ALDH1L1: variants seen among roughly 807,000 people sequenced by gnomAD.
ALDH1L1 encodes the protein cytosolic 10-formyltetrahydrofolate dehydrogenase.
A neutral mutation model predicts 101.1 loss-of-function variants in ALDH1L1; 68 were observed. That is an observed-to-expected ratio of 0.67 (90% confidence interval 0.55 to 0.82). The LOEUF (loss-of-function observed/expected upper bound fraction) is 0.82. ALDH1L1 is among the 40% of genes least tolerant of loss of function. ALDH1L1 has a pLI of 0.00. For synonymous variants in ALDH1L1, 486 were observed against 470.8 expected, an observed-to-expected ratio of 1.03 and a Z score of -0.42; for missense variants, 1,087 against 1,172.7, an observed-to-expected ratio of 0.93 and a Z score of 1.07.
chr3:126,191,886 T>A (rs1271842949), intron 1 of ALDH1L1, among the ~76,000 whole-genome samples: 8 of 152,088 alleles, frequency 5.3e-5, no homozygotes, highest in African/African-American at 1.9e-4. Context: ...ACATGCCAAA[T>A]GAGGGGAGAA....
chr3:126,117,459 A>G (rs2079993928), intron 17 of ALDH1L1, among the ~76,000 whole-genome samples: 1 of 152,014 alleles, frequency 6.6e-6, no homozygotes. Context: ...GTTTGAGACC[A>G]GTCTGGGCAA....
chr3:126,136,920 G>A, intron 10 of ALDH1L1, 37 bp from the exon 11 acceptor site: 4 of 1,612,268 alleles, frequency 2.5e-6, no homozygotes, highest in Non-Finnish European at 3.4e-6. Flanking sequence ...ACAAACCCAT[G>A]CAGGGTGCAG....
upstream of ALDH1L1, among the ~76,000 whole-genome samples, chr3:126,185,057 T>G (rs2081506042): frequency 6.6e-6 from 1 of 152,052 alleles, no homozygotes; most frequent in Non-Finnish European, 1.5e-5. Flanking sequence ...TTTCCCCCTT[T>G]AAAGGGCCTG....
chr3:126,154,770 G>C (rs190278991), intron 5 of ALDH1L1, 127 bp from the exon 6 acceptor site: 5 of 779,660 alleles, frequency 6.4e-6, no homozygotes, highest in Non-Finnish European at 1.1e-5. Flanking sequence ...TTAGACACTT[G>C]CAGGAGTCCC....
rs563756761 is a variant in ALDH1L1 at position 126,189,688 on chromosome 3, A to G, written c.-24+8047T>C. ...TGGAAAGTTTCTTTTATCTGGTGAG[A>G]ATATACTTTGGCATAATACATGAAA... is the stretch of plus-strand genomic sequence containing the variant. On this transcript the variant is annotated intron_variant, in intron 1 of 2. Coordinates refer to the ALDH1L1 transcript ENST00000509952. 6.6e-5 allele frequency among the ~76,000 whole-genome samples: 10 copies of G among 152,328 alleles called. No homozygotes were observed. The South Asian group carries it at 2.1e-3, about 32-fold the overall frequency.
chr3:126,109,133 CCTT>C (rs1422968662), intron 20 of ALDH1L1, among the ~76,000 whole-genome samples: 1 of 152,202 alleles, frequency 6.6e-6, no homozygotes, highest in Admixed American at 6.5e-5. Context: ...GTCAGGGATT[CCTT>C]CTTTCCTTCC....
intron 19 of ALDH1L1, among the ~76,000 whole-genome samples, chr3:126,111,283 A>G (rs1946069166): frequency 6.6e-6 from 1 of 152,242 alleles, no homozygotes; most frequent in African/African-American, 2.4e-5. Flanking sequence ...TGTTTCGTGC[A>G]TTTCAAGAGG....
chr3:126,187,147 A>G lies in ALDH1L1; in HGVS notation c.-24+10588T>C, dbSNP rs532216354. Among the ~76,000 whole-genome samples, 4 of 152,278 alleles carry G rather than the reference A, an allele frequency of 2.6e-5. No individual in the cohort carries two copies. In the South Asian group the frequency reaches 6.2e-4, roughly 24 times the overall value. ...ATGGTGGGAACGGGGAAAGGCTGTA[A>G]TGAGAGAGACTTAAGAGTGTAAAAA... On this transcript the variant is annotated intron_variant, in intron 1 of 2. Transcript: ENST00000509952.
chr3:126,187,869 G>T (rs2081529980), intron 1 of ALDH1L1, among the ~76,000 whole-genome samples: 1 of 150,032 alleles, frequency 6.7e-6, no homozygotes, highest in Admixed American at 6.7e-5. Flanking sequence ...TGAACGAGAG[G>T]TTCGGGTGAC....
intron 1 of ALDH1L1, among the ~76,000 whole-genome samples, chr3:126,197,000 A>C (rs1376926504): frequency 8.3e-6 from 1 of 120,890 alleles, no homozygotes; most frequent in Admixed American, 8.6e-5. Flanking sequence ...TGAACCCTAA[A>C]ATTCCTATCC....
intron 1 of ALDH1L1, among the ~76,000 whole-genome samples, chr3:126,161,934 G>GATATATATAT (rs34367231): frequency 3.5e-4 from 53 of 150,582 alleles, no homozygotes; most frequent in African/African-American, 1.0e-3. Flanking sequence ...GGTTTCGCTT[G>GATATATATAT]ATATATATAT....
intron 10 of ALDH1L1, 101 bp from the exon 11 acceptor site, chr3:126,136,984 C>T: frequency 2.6e-6 from 4 of 1,509,570 alleles, no homozygotes; most frequent in Non-Finnish European, 3.6e-6. Flanking sequence ...CAGGGGCCTC[C>T]TGGGGCTTCA....
upstream of ALDH1L1, among the ~76,000 whole-genome samples, chr3:126,183,389 G>A (rs945622047): frequency 4.6e-5 from 7 of 152,142 alleles, no homozygotes; most frequent in Non-Finnish European, 5.9e-5. Context: ...AAAATGAAAA[G>A]AGACCTCTAG....
intron 1 of ALDH1L1, among the ~76,000 whole-genome samples, chr3:126,171,416 A>C (rs764012913): frequency 6.6e-6 from 1 of 152,216 alleles, no homozygotes; most frequent in Non-Finnish European, 1.5e-5. Context: ...AAGCAGTCCA[A>C]GCCTCTGATA....
chr3:126,195,110 T>A (rs986662330), intron 1 of ALDH1L1, among the ~76,000 whole-genome samples: 2 of 152,016 alleles, frequency 1.3e-5, no homozygotes, highest in African/African-American at 4.8e-5. Flanking sequence ...ATTCCACATG[T>A]CCCCAGGCCT....
rs750975878 is a variant in ALDH1L1 at position 126,107,099 on chromosome 3, GGAGA to G, written c.2453+38_2453+41del. The G allele has an allele frequency of 1.9e-6, 3 of 1,560,272 alleles. No individual in the cohort carries two copies. In the East Asian group the frequency reaches 6.7e-5, roughly 35 times the overall value. On this transcript the variant is annotated intron_variant, in intron 21 of 22. Coordinates refer to ENST00000393434, the MANE Select transcript of ALDH1L1 (RefSeq NM_012190.4). ...CACATGAAGACCCCAGTAACACGTG[GGAGA>G]GAGTCAGGGCCCTTGAGACATCAGC...
At chr3:126,105,542 CCTCTGCAAGCATCTTGCTCACGGA>C (rs751326749) in intron 22 of ALDH1L1, 160 bp downstream of exon 22, 1 of 707,746 alleles carries the variant, frequency 1.4e-6, no homozygotes, top group South Asian at 1.6e-5. Flanking sequence ...GCACGACCCC[CCTCTGCAAGCATCTTGCTCACGGA>C]CTTGTCACAA....
chr3:126,183,222 CAA>C (rs1491060737), upstream of ALDH1L1, among the ~76,000 whole-genome samples: 1 of 152,118 alleles, frequency 6.6e-6, no homozygotes, highest in Non-Finnish European at 1.5e-5. Flanking sequence ...AGCAGAAGCC[CAA>C]GAGAGAGAAG....
chr3:126,127,567 C>T (rs1351816448), intron 14 of ALDH1L1, among the ~76,000 whole-genome samples: 1 of 152,126 alleles, frequency 6.6e-6, no homozygotes, highest in African/African-American at 2.4e-5. Context: ...TTGGTGTCCC[C>T]AAGAAATGCT....
Sources: gnomAD v4.1 joint callset for allele counts (sites outside exome capture counted in the v4.1 genomes callset) on GRCh38, gnomAD v4.1.1 for gene constraint, MANE v1.5 for transcripts, NCBI Gene and HGNC (gene_info 2026-07-23, HGNC 2026-07-21) for gene names.